The following BTG4 variants were observed in gnomAD, a reference collection of about 807,000 sequenced individuals.
The protein encoded by BTG4 is protein BTG4.
Under a neutral mutation model 19.3 loss-of-function variants are expected in BTG4, and 10 were observed. The ratio of observed to expected loss-of-function variants is 0.52; its 90% confidence interval spans 0.32 to 0.88. The LOEUF (loss-of-function observed/expected upper bound fraction) is 0.88, where lower values mean the gene tolerates loss of function less well. Ranked by LOEUF, BTG4 falls within the 40% of genes least tolerant of loss-of-function variation. BTG4 has a pLI of 0.04. For missense variants in BTG4, 238 were observed against 281.9 expected (o/e 0.84, Z 1.11); for synonymous variants, 91 against 95.7 (o/e 0.95, Z 0.29).
chr11:111,440,187 A>G, the BTG4 span, among the ~76,000 whole-genome samples: 4 of 152,172 alleles, frequency 2.6e-5, no homozygotes, highest in Non-Finnish European at 4.4e-5. Flanking sequence ...GGGCCTGCAC[A>G]TGGCCTCTCC....
At chr11:111,434,056 A>C in the BTG4 span, among the ~76,000 whole-genome samples, 26 of 152,352 alleles carry the variant, frequency 1.7e-4, no homozygotes, top group East Asian at 4.4e-3. Context: ...CTGGGTATAT[A>C]CCCAAAGGAT....
chr11:111,480,524 C>T (rs1190277216), intron 5 of BTG4, among the ~76,000 whole-genome samples: 3 of 151,912 alleles, frequency 2.0e-5, no homozygotes, highest in Non-Finnish European at 4.4e-5. Flanking sequence ...TTTCAAGTGC[C>T]CACAGGATAT....
intron 1 of BTG4, among the ~76,000 whole-genome samples, chr11:111,511,519 T>C (rs1866911426): frequency 6.6e-6 from 1 of 152,214 alleles, no homozygotes; most frequent in South Asian, 2.1e-4. Flanking sequence ...AACTAAGCCT[T>C]TGGTGTCAGC....
the BTG4 span, among the ~76,000 whole-genome samples, chr11:111,453,156 C>T: frequency 2.0e-5 from 3 of 152,244 alleles, no homozygotes; most frequent in South Asian, 6.2e-4. Context: ...AACCCCTAGG[C>T]AAGGGATAAG....
chr11:111,455,976 C>A, the BTG4 span: 468 of 348,302 alleles, frequency 1.3e-3, 1 homozygote, highest in African/African-American at 8.8e-3. Context: ...CCCCCAGACA[C>A]CCAGCAGGGG....
chr11:111,472,034 C>T (rs754705799), intron 5 of BTG4, among the ~76,000 whole-genome samples: 1 of 152,204 alleles, frequency 6.6e-6, no homozygotes, highest in Non-Finnish European at 1.5e-5. Flanking sequence ...GCCACCATTG[C>T]CTCTTGCCCG....
At chr11:111,437,130 A>G in the BTG4 span, among the ~76,000 whole-genome samples, 1 of 151,632 alleles carries the variant, frequency 6.6e-6, no homozygotes, top group Non-Finnish European at 1.5e-5. Flanking sequence ...AGCCCCCAGC[A>G]GCCCCCACCC....
At chr11:111,455,905 G>A in the BTG4 span, 2 of 431,500 alleles carry the variant, frequency 4.6e-6, no homozygotes, top group South Asian at 1.6e-5. Context: ...CCTCAGCCAG[G>A]GCCCCCCAGG....
the BTG4 span, among the ~76,000 whole-genome samples, chr11:111,427,390 G>A: frequency 4.6e-5 from 7 of 152,132 alleles, no homozygotes; most frequent in African/African-American, 7.2e-5. Context: ...CAGCACTGCC[G>A]AACACCCAGA....
At chr11:111,493,798 C>T (rs1865560301), downstream of BTG4, among the ~76,000 whole-genome samples, 1 of 152,062 alleles carries the variant, frequency 6.6e-6, no homozygotes, top group Non-Finnish European at 1.5e-5. Flanking sequence ...TGCTATGTGC[C>T]CTAATGAACC....
chr11:111,445,377 C>T, the BTG4 span, among the ~76,000 whole-genome samples: 58 of 152,318 alleles, frequency 3.8e-4, no homozygotes, highest in South Asian at 0.012. Context: ...ACCTCCACTC[C>T]TATTGTGTAT....
chr11:111,463,549 G>A (rs12788512), downstream of BTG4: 11,258 of 152,622 alleles, frequency 0.074, 573 homozygotes, highest in Non-Finnish European at 0.11. Flanking sequence ...ATTTCAATAG[G>A]TCCTAATGCT....
At chr11:111,477,001 C>T (rs1443613372) in intron 5 of BTG4, among the ~76,000 whole-genome samples, 2 of 152,166 alleles carry the variant, frequency 1.3e-5, no homozygotes, top group East Asian at 1.9e-4. Flanking sequence ...AGTTAAGCCA[C>T]GAGTCCAGGG....
chr11:111,490,280 A>T (rs1865335782), downstream of BTG4, among the ~76,000 whole-genome samples: 1 of 38,920 alleles, frequency 2.6e-5, no homozygotes, highest in African/African-American at 4.4e-5. Flanking sequence ...TCTCAAAAAT[A>T]AAAAAAATAA....
upstream of BTG4, chr11:111,514,456 T>C: frequency 2.9e-6 from 1 of 342,154 alleles, no homozygotes; most frequent in Non-Finnish European, 5.5e-6. Flanking sequence ...AAAGTTTATT[T>C]AGCTATCTTT....
chr11:111,465,557 T>C (rs979448034), downstream of BTG4, among the ~76,000 whole-genome samples: 2 of 152,190 alleles, frequency 1.3e-5, no homozygotes, highest in African/African-American at 4.8e-5. Flanking sequence ...AGCTCCTGGA[T>C]AGGTCAAGAA....
chr11:111,446,768 G>A, the BTG4 span, among the ~76,000 whole-genome samples: 1 of 152,078 alleles, frequency 6.6e-6, no homozygotes, highest in African/African-American at 2.4e-5. Flanking sequence ...AGGCAAAGCA[G>A]ATGACTGAGA....
Position 111,468,546 on chromosome 11 carries a change from A to T in BTG4, c.663-865T>A, listed in dbSNP as rs569754634. ...TGCAGCTGCCACTCACAGCTGAGTC[A>T]AAGGATAGATCTCAGATTGTCTGAT... On this transcript the variant is annotated intron_variant, in intron 5 of 5. Coordinates refer to the BTG4 transcript ENST00000356018. Among the ~76,000 whole-genome samples, 4 of 152,350 alleles carry T rather than the reference A, an allele frequency of 2.6e-5. No individual in the cohort carries two copies. In the South Asian group the frequency reaches 8.3e-4, roughly 32 times the overall value.
the BTG4 span, among the ~76,000 whole-genome samples, chr11:111,418,379 G>A: frequency 6.6e-6 from 1 of 152,214 alleles, no homozygotes; most frequent in Non-Finnish European, 1.5e-5. Flanking sequence ...AGAACTGACA[G>A]ACTTTAGGCT....
Sources: allele counts gnomAD v4.1 joint callset (sites outside exome capture counted in the v4.1 genomes callset), GRCh38; gene constraint gnomAD v4.1.1; transcripts MANE v1.5; gene names NCBI Gene and HGNC (gene_info 2026-07-23, HGNC 2026-07-21).